The following USP45 variants were observed in gnomAD, a reference collection of about 807,000 sequenced individuals.
USP45 encodes the protein ubiquitin specific peptidase 45.
USP45 carries 89 observed loss-of-function variants against 95.8 expected under a neutral mutation model. That is an observed-to-expected ratio of 0.93 (90% confidence interval 0.78 to 1.11). The LOEUF (loss-of-function observed/expected upper bound fraction) is 1.11, where lower values mean the gene tolerates loss of function less well. Ranked by LOEUF, USP45 falls within the 50% of genes least tolerant of loss-of-function variation. USP45 has a pLI of 0.00. For missense variants in USP45, 898 were observed against 942.5 expected, an observed-to-expected ratio of 0.95 and a Z score of 0.62; for synonymous variants, 281 against 316.2, an observed-to-expected ratio of 0.89 and a Z score of 1.18.
chr6:99,507,337 T>A (rs888207095), intron 4 of USP45, 91 bp downstream of exon 4: 8 of 645,378 alleles, frequency 1.2e-5, no homozygotes, highest in Non-Finnish European at 2.1e-5. Flanking sequence ...TGATAGAACA[T>A]CTTTAAATAT....
intron 13 of USP45, chr6:99,462,772 C>G: frequency 1.2e-6 from 1 of 829,342 alleles, no homozygotes; most frequent in Non-Finnish European, 1.5e-6. Context: ...TTGAGGTCAT[C>G]AGGAGTTTGA....
In USP45 at chr6:99,453,238, C is replaced by T. The variant is rs145845574; in HGVS notation, c.1309-6775G>A. Among the ~76,000 whole-genome samples, 38 of 149,570 alleles carry T rather than the reference C, an allele frequency of 2.5e-4. 1 individual carries two copies. The highest frequency in any genetic ancestry group is 9.8e-4 in the East Asian group (5 of 5,124). ...AAGTCAAATTGTTCCTCTTCACAGACGACATAATCTTACATATAGGATAAC... is the reference window on the plus strand; with the variant it reads ...AAGTCAAATTGTTCCTCTTCACAGATGACATAATCTTACATATAGGATAAC... On this transcript the variant is annotated intron_variant, in intron 13 of 17. Transcript: ENST00000500704.
At chr6:99,440,625 A>G (rs192192694) in intron 15 of USP45, among the ~76,000 whole-genome samples, 1 of 152,322 alleles carries the variant, frequency 6.6e-6, no homozygotes, top group Admixed American at 6.5e-5. Flanking sequence ...TCATTTGCAT[A>G]CTAATCACAA....
At chr6:99,494,058 T>A (rs1795778434) in intron 5 of USP45, among the ~76,000 whole-genome samples, 1 of 152,222 alleles carries the variant, frequency 6.6e-6, no homozygotes, top group African/African-American at 2.4e-5. Context: ...TATTATCATT[T>A]CTTTTGTTCT....
intron 8 of USP45, among the ~76,000 whole-genome samples, chr6:99,478,735 C>T (rs1284780532): frequency 6.6e-6 from 1 of 152,134 alleles, no homozygotes; most frequent in Admixed American, 6.5e-5. Context: ...TGAAAGCCAT[C>T]ACCCTAAGTG....
In USP45 at chr6:99,447,911, C is replaced by A. The variant is rs554533354; in HGVS notation, c.1309-1448G>T. 5.3e-5 allele frequency among the ~76,000 whole-genome samples: 8 copies of A among 152,302 alleles called. No individual in the cohort carries two copies. In the South Asian group the frequency reaches 8.3e-4, roughly 16 times the overall value. ...GCAATATTCGCTGTTCTGCAGCCTC[C>A]GCTGCTGATATCCAGGCAAACAGGG... On this transcript the variant is annotated intron_variant, in intron 13 of 17. Transcript: ENST00000500704.
At chr6:99,481,996 T>C (rs144775950) in intron 8 of USP45, among the ~76,000 whole-genome samples, 2,594 of 152,344 alleles carry the variant, frequency 0.017, 41 homozygotes, top group Non-Finnish European at 0.027. Context: ...TTTTGGACTA[T>C]ATTTAAAATA....
At chr6:99,458,209 T>C (rs1412769617) in intron 13 of USP45, among the ~76,000 whole-genome samples, 13 of 152,020 alleles carry the variant, frequency 8.6e-5, no homozygotes, top group Non-Finnish European at 1.9e-4. Flanking sequence ...TTAGTAGAGA[T>C]AAGGTTTCAC....
intron 8 of USP45, among the ~76,000 whole-genome samples, chr6:99,476,552 G>A (rs1011462575): frequency 1.3e-5 from 2 of 152,208 alleles, no homozygotes; most frequent in African/African-American, 4.8e-5. Flanking sequence ...GATCTTAAGT[G>A]TGCACTGAGA....
chr6:99,458,023 CTATTAG>C (rs970589992), intron 13 of USP45, among the ~76,000 whole-genome samples: 1 of 152,048 alleles, frequency 6.6e-6, no homozygotes, highest in African/African-American at 2.4e-5. Flanking sequence ...GCTATTATTA[CTATTAG>C]TATTATTTTG....
At chr6:99,451,073 A>G (rs1783745169) in intron 13 of USP45, among the ~76,000 whole-genome samples, 3 of 152,350 alleles carry the variant, frequency 2.0e-5, no homozygotes, top group South Asian at 4.1e-4. Flanking sequence ...CCCACAGCCA[A>G]TATCATACTG....
In USP45 at chr6:99,443,624, G is replaced by C. The variant is rs1003203341; in HGVS notation, c.2014C>G (p.Gln672Glu). 9.9e-6 allele frequency: 16 copies of C among 1,608,504 alleles called. 1 individual carries two copies. In the Admixed American group the frequency reaches 1.2e-4, roughly 12 times the overall value. Residue 672 changes from glutamine (Q) to glutamate (E), a missense_variant, in exon 15 of 18, where the codon CAA becomes GAA. Physicochemically the swap from Gln to Glu is conservative, Grantham distance 29. Transcript: ENST00000500704. ...GCTGGAACAGCAGAAATGAGCAATTGCTTCCTGGCATTAGTATAAACTCCT... is the reference window on the plus strand; with the variant it reads ...GCTGGAACAGCAGAAATGAGCAATTCCTTCCTGGCATTAGTATAAACTCCT... ...VEGVYTNARK[Q>E]LLISAVPAVL...
chr6:99,446,738 T>C (rs1173326354), intron 13 of USP45, among the ~76,000 whole-genome samples: 1 of 152,196 alleles, frequency 6.6e-6, no homozygotes, highest in East Asian at 1.9e-4. Flanking sequence ...GAGACTTTTT[T>C]CTTTAAAAGA....
rs1782423317 is a variant in USP45 at position 99,445,790 on chromosome 6, T to C, written c.1975+7A>G. 5 of 1,538,282 alleles carry C rather than the reference T, an allele frequency of 3.3e-6. No homozygotes were observed. Among genetic ancestry groups the C allele is most frequent in the Non-Finnish European group, 4.4e-6 (5 of 1,148,956 alleles). ...ATCAATAATTATGTAATTAAAAAAATAATTACCTGCAAAACTGGTTTCTTC... is the reference window on the plus strand; with the variant it reads ...ATCAATAATTATGTAATTAAAAAAACAATTACCTGCAAAACTGGTTTCTTC... On this transcript the variant is annotated splice_region_variant and intron_variant, in intron 14 of 17. Transcript: ENST00000500704.
chr6:99,461,616 C>T, intron 13 of USP45: 2 of 984,570 alleles, frequency 2.0e-6, no homozygotes, highest in Non-Finnish European at 2.4e-6. Context: ...GCTAATTTCA[C>T]TATTTTTATG....
At position 99,435,583 on chromosome 6, in the gene USP45, GA is replaced by G. The variant is rs1780319116; in HGVS notation, c.*132del. Reference sequence around the variant, plus strand: ...CTTTAAAAGGGTTCACCAAAATGGTGAAAAAGTTCAGGACCATTTGAGGAAC... The same window carrying G: ...CTTTAAAAGGGTTCACCAAAATGGTGAAAAGTTCAGGACCATTTGAGGAAC... On this transcript the variant is annotated 3_prime_UTR_variant, in exon 18 of 18. Coordinates refer to ENST00000500704, the MANE Select transcript of USP45 (RefSeq NM_001346022.3). The G allele has an allele frequency of 1.5e-6, 1 of 677,526 alleles. No individual in the cohort carries two copies. 42.0% of individuals were successfully genotyped at this position (677,526 alleles called of 1,614,324 possible).
intron 13 of USP45, chr6:99,461,618 AT>A (rs991237343): frequency 2.0e-6 from 2 of 984,220 alleles, no homozygotes; most frequent in African/African-American, 3.5e-5. Context: ...TAATTTCACT[AT>A]TTTTATGTAA....
At chr6:99,479,601 CAAAAAAA>C (rs34635892) in intron 8 of USP45, among the ~76,000 whole-genome samples, 3 of 117,074 alleles carry the variant, frequency 2.6e-5, no homozygotes, top group African/African-American at 9.8e-5. Context: ...TTCCAACAGA[CAAAAAAA>C]AAAAAAAAAA....
intron 15 of USP45, among the ~76,000 whole-genome samples, chr6:99,440,964 A>G (rs1435924386): frequency 2.6e-5 from 4 of 152,210 alleles, no homozygotes; most frequent in African/African-American, 7.2e-5. Flanking sequence ...GGACTTTAAT[A>G]TAAGATGAAT....
Sources: allele counts gnomAD v4.1 joint callset (sites outside exome capture counted in the v4.1 genomes callset), GRCh38; gene constraint gnomAD v4.1.1; transcripts MANE v1.5; gene names NCBI Gene and HGNC (gene_info 2026-07-23, HGNC 2026-07-21).